NOM1: variants seen among roughly 807,000 people sequenced by gnomAD.
NOM1 encodes nucleolar MIF4G domain-containing protein 1.
In NOM1, 58 loss-of-function variants were observed where a neutral mutation model predicts 73.3. The observed-to-expected ratio is 0.79, with a 90% CI of 0.64 to 0.99. The LOEUF (loss-of-function observed/expected upper bound fraction) is 0.99. NOM1 is among the 50% of genes least tolerant of loss of function. NOM1 has a pLI of 0.00. For missense variants in NOM1, 1,226 were observed against 1,131.9 expected, an observed-to-expected ratio of 1.08 and a Z score of -1.19; for synonymous variants, 487 against 446.8, an observed-to-expected ratio of 1.09 and a Z score of -1.14.
intron 3 of NOM1, among the ~76,000 whole-genome samples, chr7:156,957,722 C>T (rs1804758300): frequency 1.9e-5 from 2 of 106,274 alleles, no homozygotes; most frequent in South Asian, 5.6e-4. Context: ...TTGCAGTGAG[C>T]CGAGATCGCA....
Position 156,962,167 on chromosome 7 carries a change from A to T in NOM1, c.1649A>T (p.Glu550Val), listed in dbSNP as rs1177438028. The T allele has an allele frequency of 1.9e-6, 3 of 1,614,014 alleles. No homozygotes were observed. Among genetic ancestry groups the T allele is most frequent in the Non-Finnish European group, 2.5e-6 (3 of 1,179,894 alleles). The change falls in exon 5 of 11, where the codon GAG (glutamate) becomes GTG (valine). Residue 550 changes from glutamate (E) to valine (V), a missense_variant. Transcript: ENST00000275820. ...QDQTRIRFMLETMLALKNNDM... is the reference protein window; with the variant it reads ...QDQTRIRFMLVTMLALKNNDM... ...TTCTTGAAGATTCGGTTTATGCTAG[A>T]GACGATGTTGGCCCTGAAGAACAAT... is the stretch of plus-strand genomic sequence containing the variant.
At chr7:156,963,805 C>G in intron 6 of NOM1, 100 bp from the exon 7 acceptor site, 3 of 1,420,710 alleles carry the variant, frequency 2.1e-6, no homozygotes, top group South Asian at 1.4e-5. Context: ...ACGTAGACCT[C>G]ACAGTTCTAT....
At chr7:156,963,569 C>G in intron 6 of NOM1, 1 of 379,666 alleles carries the variant, frequency 2.6e-6, no homozygotes, top group Non-Finnish European at 4.9e-6. Context: ...TCGTTATCCC[C>G]TCATGTCCTT....
At chr7:156,960,560 G>C (rs954534092) in intron 4 of NOM1, among the ~76,000 whole-genome samples, 1 of 152,096 alleles carries the variant, frequency 6.6e-6, no homozygotes, top group Non-Finnish European at 1.5e-5. Flanking sequence ...ATTGTGTGCC[G>C]TTCAGATGAT....
At chr7:156,953,080 G>C (rs1182455331) in intron 2 of NOM1, among the ~76,000 whole-genome samples, 1 of 152,172 alleles carries the variant, frequency 6.6e-6, no homozygotes, top group East Asian at 1.9e-4. Context: ...CTTTGGTTTT[G>C]AGGATGTGTG....
chr7:156,955,752 G>C (rs946140967), intron 3 of NOM1, among the ~76,000 whole-genome samples: 7 of 152,206 alleles, frequency 4.6e-5, no homozygotes, highest in Non-Finnish European at 7.3e-5. Context: ...CACAGAACTT[G>C]TTTTCTGGGC....
At chr7:156,959,050 G>A (rs1181571081) in intron 3 of NOM1, among the ~76,000 whole-genome samples, 2 of 151,866 alleles carry the variant, frequency 1.3e-5, no homozygotes. Context: ...AAATGAATTT[G>A]GGGTAAAAAT....
At position 156,950,577 on chromosome 7, in the gene NOM1, C is replaced by T; in HGVS notation, c.840C>T (p.Ser280=). ...EKKAQEAEAQ[S]EDDDEDTEEE... ...AGGCGCAGGAAGCAGAAGCGCAGAG[C>T]GAGGACGACGACGAGGATACAGAAG... The change falls in exon 1 of 11, where the codon AGC becomes AGT. Residue 280 remains serine (S), a synonymous_variant. Coordinates refer to ENST00000275820, the MANE Select transcript of NOM1 (RefSeq NM_138400.2). 1 of 1,598,706 alleles carries T rather than the reference C, an allele frequency of 6.3e-7. No individual in the cohort carries two copies. Among genetic ancestry groups the T allele is most frequent in the Non-Finnish European group, 8.5e-7 (1 of 1,172,118 alleles).
intron 8 of NOM1, 73 bp from the exon 9 acceptor site, chr7:156,966,888 G>C (rs1443140597): frequency 1.4e-6 from 2 of 1,412,722 alleles, no homozygotes; most frequent in Non-Finnish European, 1.9e-6. Flanking sequence ...ATACCTTTAG[G>C]TTATGTTGTT....
At chr7:156,951,552 A>G (rs1314136856) in intron 1 of NOM1, among the ~76,000 whole-genome samples, 1 of 152,150 alleles carries the variant, frequency 6.6e-6, no homozygotes, top group East Asian at 1.9e-4. Context: ...AGTTCTATGT[A>G]TGTAAATATT....
At chr7:156,963,292 A>G in intron 6 of NOM1, 117 bp downstream of exon 6, 1 of 1,039,192 alleles carries the variant, frequency 9.6e-7, no homozygotes, top group Non-Finnish European at 1.5e-6. Flanking sequence ...GAAATGTACA[A>G]GGTTTATCTG....
At chr7:156,955,591 G>A (rs1033041663) in intron 3 of NOM1, among the ~76,000 whole-genome samples, 13 of 152,160 alleles carry the variant, frequency 8.5e-5, no homozygotes, top group East Asian at 3.8e-4. Context: ...CCTGGTGTAC[G>A]TTTATATACT....
intron 6 of NOM1, chr7:156,963,536 C>T (rs1048766874): frequency 2.6e-6 from 1 of 388,140 alleles, no homozygotes; most frequent in Admixed American, 4.0e-5. Context: ...GAAATTCAAG[C>T]CCATTTTTCA....
chr7:156,952,918 C>T (rs1804629676), intron 2 of NOM1, among the ~76,000 whole-genome samples: 1 of 152,244 alleles, frequency 6.6e-6, no homozygotes, highest in Non-Finnish European at 1.5e-5. Flanking sequence ...TATGTCCCCT[C>T]TCTGCAGAAA....
chr7:156,964,183 C>T (rs1804940125), intron 7 of NOM1, 157 bp downstream of exon 7: 2 of 630,576 alleles, frequency 3.2e-6, no homozygotes, highest in African/African-American at 1.8e-5. Flanking sequence ...ATTCGTGCAT[C>T]TCTGGGTTAG....
intron 2 of NOM1, 134 bp downstream of exon 2, chr7:156,952,732 C>A: frequency 1.1e-6 from 1 of 934,278 alleles, no homozygotes; most frequent in Non-Finnish European, 1.6e-6. Context: ...TGGCTTGATG[C>A]ACCGAGACCC....
Position 156,959,838 on chromosome 7 carries a change from G to T in NOM1, c.1309-13G>T, listed in dbSNP as rs1407271772. 1.9e-6 allele frequency: 3 copies of T among 1,610,654 alleles called. No individual in the cohort carries two copies. The highest frequency in any genetic ancestry group is 3.4e-5 in the Admixed American group (2 of 58,970). ...AGGAATAACATAATCTTTTTTCTGT[G>T]TGGTTCTTTCAGGTCGGTGCCCACT... On this transcript the variant is annotated splice_polypyrimidine_tract_variant and intron_variant, in intron 3 of 10. Coordinates refer to ENST00000275820, the MANE Select transcript of NOM1 (RefSeq NM_138400.2).
chr7:156,950,221 C>T lies in NOM1; in HGVS notation c.484C>T (p.Pro162Ser). Residue 162 changes from proline to serine, a missense_variant, in exon 1 of 11, where the codon CCC (proline) becomes TCC (serine). By Grantham distance (74) the Pro-to-Ser change is moderately conservative. Transcript: ENST00000275820. Reference protein sequence around the residue: ...KATAATAKTRPSAAATAAARK... With the variant: ...KATAATAKTRSSAAATAAARK... Reference sequence around the variant, plus strand: ...CACGGCCGCCACCGCAAAGACCAGACCCTCCGCAGCCGCCACCGCCGCTGC... The same window carrying T: ...CACGGCCGCCACCGCAAAGACCAGATCCTCCGCAGCCGCCACCGCCGCTGC... The T allele has an allele frequency of 6.2e-7, 1 of 1,611,940 alleles. No homozygotes were observed. Among genetic ancestry groups the T allele is most frequent in the Non-Finnish European group, 8.5e-7 (1 of 1,179,642 alleles).
chr7:156,952,378 C>A, intron 1 of NOM1, 96 bp from the exon 2 acceptor site: 1 of 1,334,606 alleles, frequency 7.5e-7, no homozygotes, highest in Non-Finnish European at 1.0e-6. Context: ...TCCACCAGTT[C>A]TTGGAAGTTT....
Sources: allele counts gnomAD v4.1 joint callset (sites outside exome capture counted in the v4.1 genomes callset), GRCh38; gene constraint gnomAD v4.1.1; transcripts MANE v1.5; gene names NCBI Gene and HGNC (gene_info 2026-07-23, HGNC 2026-07-21).